Variants in LRP11 observed in about 807,000 individuals in gnomAD.
The protein encoded by LRP11 is low-density lipoprotein receptor-related protein 11.
Under a neutral mutation model 43.1 loss-of-function variants are expected in LRP11, and 25 were observed. The observed-to-expected ratio is 0.58, with a 90% CI of 0.42 to 0.81. The LOEUF (loss-of-function observed/expected upper bound fraction) is 0.81. Ranked by LOEUF, LRP11 falls within the 30% of genes least tolerant of loss-of-function variation. The probability of loss-of-function intolerance (pLI) is 0.00; values close to 1 mark genes in which losing one functional copy is unlikely to be tolerated. For synonymous variants in LRP11, 316 were observed against 299.4 expected (o/e 1.06, Z -0.57); for missense variants, 623 against 665.1 (o/e 0.94, Z 0.70).
At position 149,827,687 on chromosome 6, in the gene LRP11, C is replaced by T. The variant is rs1184389720; in HGVS notation, c.1253-1328G>A. Among the ~76,000 whole-genome samples, 1 of 152,236 alleles carries T rather than the reference C, an allele frequency of 6.6e-6. No homozygotes were observed. Among genetic ancestry groups the T allele is most frequent in the Non-Finnish European group, 1.5e-5 (1 of 68,044 alleles). On this transcript the variant is annotated intron_variant, in intron 5 of 6. Coordinates refer to ENST00000239367, the MANE Select transcript of LRP11 (RefSeq NM_032832.6). This position sits in a 1 kb window ranked among gnomAD's most constrained non-coding sequence, Gnocchi z 4.2. ...TTTCCCTGCAAAAAGAGTTCTGTTA[C>T]TGTCCAACTCACTGCAGTAGCCACG...
chr6:149,846,072 T>C (rs1011144246), intron 2 of LRP11, among the ~76,000 whole-genome samples: 1 of 152,156 alleles, frequency 6.6e-6, no homozygotes, highest in Non-Finnish European at 1.5e-5. Context: ...TGTCTCCTTT[T>C]TTCTGGAAAC....
intron 3 of LRP11, among the ~76,000 whole-genome samples, chr6:149,842,109 C>T (rs1776557529): frequency 6.6e-6 from 1 of 152,066 alleles, no homozygotes; most frequent in Non-Finnish European, 1.5e-5. Context: ...GGGTCCTTTG[C>T]GTATTTCAAT....
At chr6:149,856,136 A>C (rs1044600378) in intron 1 of LRP11, among the ~76,000 whole-genome samples, 6 of 152,238 alleles carry the variant, frequency 3.9e-5, no homozygotes, top group African/African-American at 1.4e-4. Flanking sequence ...ATTTTTAAGT[A>C]GACAAATGAA....
intron 5 of LRP11, among the ~76,000 whole-genome samples, chr6:149,833,706 C>T (rs1344682891): frequency 2.0e-5 from 3 of 152,122 alleles, no homozygotes; most frequent in African/African-American, 4.8e-5. Context: ...AATAACTGTA[C>T]ATCTAATCTC....
At position 149,819,869 on chromosome 6, in the gene LRP11, T is replaced by A. The variant is rs1776255059; in HGVS notation, c.*680A>T. On this transcript the variant is annotated 3_prime_UTR_variant, in exon 7 of 7. Coordinates refer to ENST00000239367, the MANE Select transcript of LRP11 (RefSeq NM_032832.6). Reference sequence around the variant, plus strand: ...GATTTCCTATCTCACTGCATGACCATCTTAGAGCTGTTACTAATTCAAAGT... The same window carrying A: ...GATTTCCTATCTCACTGCATGACCAACTTAGAGCTGTTACTAATTCAAAGT... 1 of 152,190 alleles carries A rather than the reference T, an allele frequency of 6.6e-6. No homozygotes were observed. Among genetic ancestry groups the A allele is most frequent in the South Asian group, 2.1e-4 (1 of 4,834 alleles). The allele number at this position is 152,190 out of a possible 1,614,324, so 9.4% of individuals were successfully genotyped here.
At chr6:149,861,993 A>T (rs563684998) in intron 1 of LRP11, among the ~76,000 whole-genome samples, 2 of 152,204 alleles carry the variant, frequency 1.3e-5, no homozygotes, top group East Asian at 3.9e-4. Context: ...TGCTGCTGGG[A>T]TATTTTGGTC....
chr6:149,825,183 T>C (rs1562435756), intron 6 of LRP11, among the ~76,000 whole-genome samples: 2 of 152,238 alleles, frequency 1.3e-5, no homozygotes, highest in South Asian at 2.1e-4. Flanking sequence ...CTTAAGCTTA[T>C]ATTTTGTTCT....
Position 149,864,310 on chromosome 6 carries a change from G to A in LRP11, c.-290C>T. 1 of 1,034,570 alleles carries A rather than the reference G, an allele frequency of 9.7e-7. No individual in the cohort carries two copies. Among genetic ancestry groups the A allele is most frequent in the Non-Finnish European group, 1.2e-6 (1 of 862,894 alleles). 64.1% of individuals were successfully genotyped at this position (1,034,570 alleles called of 1,614,324 possible). ...CGCCCCGGCCTGCGGCGCGCTGGGTGGCGACGAGTCGGCCTCGGCGTTGAT... is the reference window on the plus strand; with the variant it reads ...CGCCCCGGCCTGCGGCGCGCTGGGTAGCGACGAGTCGGCCTCGGCGTTGAT... On this transcript the variant is annotated 5_prime_UTR_variant, in exon 1 of 7. Transcript: ENST00000239367.
At chr6:149,828,594 T>G (rs1776371083) in intron 5 of LRP11, among the ~76,000 whole-genome samples, 1 of 151,928 alleles carries the variant, frequency 6.6e-6, no homozygotes, top group African/African-American at 2.4e-5. Context: ...GCTCAAGTGA[T>G]CCTCCCACCT....
At chr6:149,849,713 G>C (rs948842775) in intron 2 of LRP11, among the ~76,000 whole-genome samples, 1 of 152,118 alleles carries the variant, frequency 6.6e-6, no homozygotes, top group Non-Finnish European at 1.5e-5. Flanking sequence ...CTCCAGCCTG[G>C]GCAACAGAGA....
At chr6:149,839,940 G>T (rs1312952631) in intron 3 of LRP11, among the ~76,000 whole-genome samples, 2 of 152,210 alleles carry the variant, frequency 1.3e-5, no homozygotes, top group Non-Finnish European at 2.9e-5. Flanking sequence ...AAACTCTGCT[G>T]TCTTCTTTCT....
chr6:149,828,103 A>C (rs933503467), intron 5 of LRP11, among the ~76,000 whole-genome samples: 1 of 152,054 alleles, frequency 6.6e-6, no homozygotes, highest in Non-Finnish European at 1.5e-5. Flanking sequence ...AGGCAGGAGA[A>C]TCACTTGAAC....
At chr6:149,838,071 C>T (rs1308391520) in intron 3 of LRP11, among the ~76,000 whole-genome samples, 3 of 151,970 alleles carry the variant, frequency 2.0e-5, no homozygotes, top group Non-Finnish European at 4.4e-5. Context: ...ACATGCACCA[C>T]CACACCCGGT....
intron 1 of LRP11, among the ~76,000 whole-genome samples, chr6:149,862,101 G>A (rs1397923270): frequency 6.6e-6 from 1 of 152,226 alleles, no homozygotes; most frequent in African/African-American, 2.4e-5. Flanking sequence ...CTCCACTTCA[G>A]AAGGAAAGCT....
chr6:149,850,404 T>C (rs1776701295), intron 2 of LRP11, among the ~76,000 whole-genome samples: 1 of 152,160 alleles, frequency 6.6e-6, no homozygotes, highest in Non-Finnish European at 1.5e-5. Context: ...GAGGGTTAAT[T>C]ACTGTTAAAG....
chr6:149,844,871 G>A (rs747304596), intron 2 of LRP11, among the ~76,000 whole-genome samples: 75 of 152,264 alleles, frequency 4.9e-4, no homozygotes, highest in Non-Finnish European at 6.2e-4. Context: ...TGAGATTACC[G>A]TGGTTGTCAT....
intron 1 of LRP11, among the ~76,000 whole-genome samples, chr6:149,861,736 G>T (rs964448771): frequency 6.6e-6 from 1 of 152,102 alleles, no homozygotes; most frequent in African/African-American, 2.4e-5. Context: ...GGCCAGGCTG[G>T]TCTCTAACTC....
At chr6:149,831,620 G>T (rs1776409288) in intron 5 of LRP11, among the ~76,000 whole-genome samples, 1 of 152,196 alleles carries the variant, frequency 6.6e-6, no homozygotes, top group Non-Finnish European at 1.5e-5. Flanking sequence ...TTTATCCTCA[G>T]TAACCTGTGT....
intron 6 of LRP11, among the ~76,000 whole-genome samples, chr6:149,822,249 A>C (rs775980083): frequency 2.6e-5 from 4 of 152,092 alleles, no homozygotes; most frequent in Admixed American, 6.6e-5. Flanking sequence ...CTGAAGTAGG[A>C]GAATCACCTG....
Sources: gnomAD v4.1 joint callset for allele counts (sites outside exome capture counted in the v4.1 genomes callset) on GRCh38, gnomAD v4.1.1 for gene constraint, Gnocchi (gnomAD v3.1) non-coding constraint, MANE v1.5 for transcripts, NCBI Gene and HGNC (gene_info 2026-07-23, HGNC 2026-07-21) for gene names.